ARHGAP26: variants seen among roughly 807,000 people sequenced by gnomAD.
ARHGAP26 encodes the protein rho GTPase-activating protein 26.
A neutral mutation model predicts 104.8 loss-of-function variants in ARHGAP26; 38 were observed. That is an observed-to-expected ratio of 0.36 (90% CI 0.28 to 0.48). The LOEUF (loss-of-function observed/expected upper bound fraction) is 0.48, where lower values mean the gene tolerates loss of function less well. ARHGAP26 is among the 20% of genes least tolerant of loss of function. The pLI is 0.99. For synonymous variants in ARHGAP26, 341 were observed against 340.0 expected (o/e 1.00, Z -0.03); for missense variants, 704 against 947.9 (o/e 0.74, Z 3.38).
chr5:143,144,816 C>G (rs1798972009), intron 19 of ARHGAP26, among the ~76,000 whole-genome samples: 3 of 152,234 alleles, frequency 2.0e-5, no homozygotes, highest in African/African-American at 7.2e-5. Flanking sequence ...ATTCTCTACT[C>G]TTTCCCTGGA....
intron 17 of ARHGAP26, among the ~76,000 whole-genome samples, chr5:143,059,094 C>A (rs1182758311): frequency 6.6e-6 from 1 of 152,234 alleles, no homozygotes; most frequent in African/African-American, 2.4e-5. Context: ...AACCTAGAGT[C>A]AGGCGTTTGT....
chr5:143,117,673 G>T (rs1269237511), intron 17 of ARHGAP26, among the ~76,000 whole-genome samples: 1 of 152,158 alleles, frequency 6.6e-6, no homozygotes, highest in African/African-American at 2.4e-5. Flanking sequence ...TGCTAATCCA[G>T]AATTAATATA....
chr5:142,802,528 G>A (rs969602890), intron 1 of ARHGAP26, among the ~76,000 whole-genome samples: 1 of 152,238 alleles, frequency 6.6e-6, no homozygotes, highest in African/African-American at 2.4e-5. Flanking sequence ...AAAAAAATTG[G>A]TTTTGTTATG....
At chr5:142,838,116 G>T (rs556121403) in intron 1 of ARHGAP26, among the ~76,000 whole-genome samples, 3 of 152,196 alleles carry the variant, frequency 2.0e-5, no homozygotes, top group African/African-American at 7.2e-5. Flanking sequence ...AATTAGCTGG[G>T]CATAGTGGGT....
At chr5:142,870,400 A>G (rs1456966141) in intron 1 of ARHGAP26, among the ~76,000 whole-genome samples, 1 of 152,156 alleles carries the variant, frequency 6.6e-6, no homozygotes, top group Non-Finnish European at 1.5e-5. Context: ...GTTGTTTTCA[A>G]TCTCTCAAGT....
At chr5:142,989,685 TA>T (rs1241555288) in intron 11 of ARHGAP26, among the ~76,000 whole-genome samples, 12 of 152,324 alleles carry the variant, frequency 7.9e-5, no homozygotes, top group Non-Finnish European at 1.5e-4. Context: ...TGCTTGTCTG[TA>T]AAAGATTTTA....
At chr5:143,077,683 G>A (rs748231890) in intron 17 of ARHGAP26, among the ~76,000 whole-genome samples, 10 of 152,210 alleles carry the variant, frequency 6.6e-5, no homozygotes, top group Admixed American at 4.6e-4. Flanking sequence ...CGCTGCCAGC[G>A]TCTTTGTGGA....
chr5:142,970,200 C>G (rs1354765060), intron 11 of ARHGAP26, among the ~76,000 whole-genome samples: 1 of 152,180 alleles, frequency 6.6e-6, no homozygotes. Flanking sequence ...ACCAGGCCTT[C>G]TGCTAGATTA....
intron 11 of ARHGAP26, among the ~76,000 whole-genome samples, chr5:142,939,713 C>G (rs1452553387): frequency 1.3e-5 from 2 of 152,188 alleles, no homozygotes; most frequent in African/African-American, 2.4e-5. Flanking sequence ...AATCCTACAC[C>G]ACTGCTTATT....
intron 1 of ARHGAP26, among the ~76,000 whole-genome samples, chr5:142,866,093 C>T (rs1037271944): frequency 1.3e-5 from 2 of 151,720 alleles, no homozygotes; most frequent in African/African-American, 4.8e-5. Context: ...ATCCCACTTG[C>T]ATTTCTGTAG....
intron 20 of ARHGAP26, among the ~76,000 whole-genome samples, chr5:143,155,178 C>G (rs2151025511): frequency 6.6e-6 from 1 of 152,296 alleles, no homozygotes; most frequent in African/African-American, 2.4e-5. Context: ...TCATTTGCCC[C>G]TCCTTGCTCC....
intron 17 of ARHGAP26, among the ~76,000 whole-genome samples, chr5:143,070,293 C>T (rs1788062754): frequency 6.6e-6 from 1 of 152,214 alleles, no homozygotes; most frequent in South Asian, 2.1e-4. Flanking sequence ...CAAATGTTGT[C>T]TGTCCTACAA....
intron 19 of ARHGAP26, among the ~76,000 whole-genome samples, chr5:143,138,686 G>A (rs1259669843): frequency 2.6e-5 from 4 of 152,142 alleles, no homozygotes; most frequent in South Asian, 2.1e-4. Context: ...CCTGGAAGAC[G>A]TTTTCCCTAG....
Position 143,041,843 on chromosome 5 carries a change from T to C in ARHGAP26, c.1238T>C (p.Ile413Thr), listed in dbSNP as rs765056827. ...RGINEQGLYRIVGVNSRVQKL... is the reference protein window; with the variant it reads ...RGINEQGLYRTVGVNSRVQKL... ...ATCAACGAGCAAGGGCTGTATCGAA[T>C]TGTGGGTGTCAACTCCAGAGTGCAG... The change falls in exon 14 of 23, where the codon ATT becomes ACT. Residue 413 changes from isoleucine to threonine, a missense_variant. By Grantham distance (89) the Ile-to-Thr change is moderately conservative. This residue lies in a region of ARHGAP26 where 287 missense variants were observed against 438.8 expected (regional missense o/e 0.65). Transcript: ENST00000645722. 1.2e-6 allele frequency: 2 copies of C among 1,606,340 alleles called. No individual in the cohort carries two copies. The highest frequency in any genetic ancestry group is 1.1e-5 in the South Asian group (1 of 89,552).
intron 20 of ARHGAP26, among the ~76,000 whole-genome samples, chr5:143,150,151 C>T (rs1799644026): frequency 6.6e-6 from 1 of 152,158 alleles, no homozygotes; most frequent in Admixed American, 6.5e-5. Flanking sequence ...AGCTTGACTC[C>T]TGAAGTAGCC....
At chr5:143,060,585 T>G (rs246629) in intron 17 of ARHGAP26, among the ~76,000 whole-genome samples, 1,551 of 152,084 alleles carry the variant, frequency 0.01, 10 homozygotes, top group South Asian at 0.017. Context: ...CATGCACATA[T>G]TTTTGTAGTT....
intron 7 of ARHGAP26, 45 bp from the exon 8 acceptor site, chr5:142,903,495 A>G: frequency 1.9e-6 from 3 of 1,596,268 alleles, no homozygotes; most frequent in Non-Finnish European, 1.7e-6. Context: ...TTGTTAAAAC[A>G]GATACTTTGT....
At chr5:142,901,750 T>C (rs905613338) in intron 6 of ARHGAP26, among the ~76,000 whole-genome samples, 185 bp from the exon 7 acceptor site, 1 of 152,236 alleles carries the variant, frequency 6.6e-6, no homozygotes. Context: ...TCATGGGATG[T>C]TGTGAGTACT....
chr5:143,025,919 A>G (rs903500396), intron 12 of ARHGAP26, among the ~76,000 whole-genome samples: 2 of 151,780 alleles, frequency 1.3e-5, no homozygotes, highest in African/African-American at 2.4e-5. Context: ...ACTTTACTCT[A>G]TGTCTCTTTC....
Sources: allele counts gnomAD v4.1 joint callset (sites outside exome capture counted in the v4.1 genomes callset), GRCh38; gene constraint gnomAD v4.1.1; regional missense constraint gnomAD v4.1.1; transcripts MANE v1.5; gene names NCBI Gene and HGNC (gene_info 2026-07-23, HGNC 2026-07-21).